STX6: variants seen among roughly 807,000 people sequenced by gnomAD.
STX6 encodes syntaxin 6.
A neutral mutation model predicts 38.0 loss-of-function variants in STX6; 23 were observed. That is an observed-to-expected ratio of 0.60 (90% CI 0.43 to 0.86). The LOEUF (loss-of-function observed/expected upper bound fraction) is 0.86. Among genes scored for constraint, STX6 ranks in the 40% least tolerant of loss-of-function variants. STX6 has a pLI of 0.00. For synonymous variants in STX6, 123 were observed against 107.5 expected, an observed-to-expected ratio of 1.14 and a Z score of -0.89; for missense variants, 274 against 312.9, an observed-to-expected ratio of 0.88 and a Z score of 0.94.
At chr1:180,986,237 C>T (rs1002801637) in intron 6 of STX6, among the ~76,000 whole-genome samples, 2 of 152,152 alleles carry the variant, frequency 1.3e-5, no homozygotes, top group African/African-American at 4.8e-5. Context: ...GTCACATATG[C>T]CATTTTACAT....
At chr1:181,013,797 A>G (rs184227721) in intron 1 of STX6, among the ~76,000 whole-genome samples, 4 of 152,338 alleles carry the variant, frequency 2.6e-5, no homozygotes, top group African/African-American at 9.6e-5. Context: ...AATATTAAAC[A>G]GGCTGGGGCT....
At chr1:180,991,625 T>C (rs1212289614) in intron 4 of STX6, among the ~76,000 whole-genome samples, 1 of 152,172 alleles carries the variant, frequency 6.6e-6, no homozygotes, top group Non-Finnish European at 1.5e-5. Context: ...TTAAAGTTCA[T>C]CAGTCTGATC....
At chr1:180,979,076 C>A (rs918031154) in intron 7 of STX6, among the ~76,000 whole-genome samples, 10 of 151,968 alleles carry the variant, frequency 6.6e-5, no homozygotes, top group Non-Finnish European at 1.5e-4. Flanking sequence ...CATGCAAGAA[C>A]ACATGGATAA....
chr1:180,991,998 T>C (rs1001022099), intron 4 of STX6, among the ~76,000 whole-genome samples: 3 of 150,512 alleles, frequency 2.0e-5, no homozygotes, highest in African/African-American at 4.8e-5. Flanking sequence ...AGCCCAACTA[T>C]ACTATCTAGA....
chr1:181,002,080 G>T (rs1656097040), intron 3 of STX6, among the ~76,000 whole-genome samples: 1 of 152,164 alleles, frequency 6.6e-6, no homozygotes, highest in African/African-American at 2.4e-5. Flanking sequence ...AGAGGTTGTA[G>T]TCAGCCAAGA....
intron 7 of STX6, among the ~76,000 whole-genome samples, chr1:180,977,066 C>T (rs147859542): frequency 2.0e-5 from 3 of 152,176 alleles, no homozygotes; most frequent in East Asian, 1.9e-4. Flanking sequence ...ATGAGCACAA[C>T]GGGAGGAGGG....
At position 180,982,742 on chromosome 1, in the gene STX6, CCTT is replaced by C. The variant is rs553354810; in HGVS notation, c.691+1932_691+1934del. On this transcript the variant is annotated intron_variant, in intron 7 of 7. Coordinates refer to ENST00000258301, the MANE Select transcript of STX6 (RefSeq NM_005819.6). ...GGTTATACAATTCTTCATTAAAACA[CCTT>C]TTTTTTGTTTATTGTTTTGTTTTTA... 1.8e-4 allele frequency among the ~76,000 whole-genome samples: 27 copies of C among 152,116 alleles called. No individual in the cohort carries two copies. The South Asian group carries it at 1.9e-3, about 11-fold the overall frequency.
chr1:181,010,841 T>A (rs1031031115), intron 1 of STX6, among the ~76,000 whole-genome samples: 124 of 152,178 alleles, frequency 8.1e-4, no homozygotes, highest in African/African-American at 2.6e-3. Context: ...AGCTAGTGGA[T>A]CTTTCTGTGA....
chr1:180,979,493 A>T (rs1558085845), intron 7 of STX6, among the ~76,000 whole-genome samples: 1 of 152,210 alleles, frequency 6.6e-6, no homozygotes, highest in Non-Finnish European at 1.5e-5. Flanking sequence ...CATCCATGCC[A>T]AAAAAATGAA....
Position 180,979,687 on chromosome 1 carries a change from T to C in STX6, c.692-3041A>G, listed in dbSNP as rs555012676. The stretch of plus-strand genomic sequence containing the variant: ...CACTATATATCCATGAAATAAATAA[T>C]TGAAATTGGGATGTCATTAAAATTA... On this transcript the variant is annotated intron_variant, in intron 7 of 7. Coordinates refer to ENST00000258301, the MANE Select transcript of STX6 (RefSeq NM_005819.6). 3.9e-5 allele frequency among the ~76,000 whole-genome samples: 6 copies of C among 152,312 alleles called. No homozygotes were observed. The East Asian group carries it at 9.6e-4, about 24-fold the overall frequency.
chr1:181,011,684 G>T (rs1381182543), intron 1 of STX6, among the ~76,000 whole-genome samples: 1 of 152,174 alleles, frequency 6.6e-6, no homozygotes, highest in Admixed American at 6.5e-5. Context: ...ATTTGTGAGG[G>T]TTTTTATAAG....
Position 181,009,266 on chromosome 1 carries a change from A to G in STX6, c.36-3803T>C, listed in dbSNP as rs965682143. ...TGGATCACTTGAGGTCAGGAGTTCA[A>G]GACCAGCCTGACCAACATGGTAAAA... On this transcript the variant is annotated intron_variant, in intron 1 of 7. Transcript: ENST00000258301. Among the ~76,000 whole-genome samples the G allele has an allele frequency of 2.6e-5, 4 of 152,176 alleles. No homozygotes were observed. In the South Asian group the frequency reaches 8.3e-4, roughly 32 times the overall value.
intron 1 of STX6, among the ~76,000 whole-genome samples, chr1:181,008,540 T>C (rs956462172): frequency 2.0e-5 from 3 of 152,156 alleles, no homozygotes; most frequent in Non-Finnish European, 2.9e-5. Flanking sequence ...GATGATTTTA[T>C]AACATCAAAT....
intron 7 of STX6, among the ~76,000 whole-genome samples, chr1:180,983,290 G>T (rs1215394732): frequency 1.3e-5 from 2 of 152,174 alleles, no homozygotes; most frequent in Non-Finnish European, 2.9e-5. Flanking sequence ...GTACCTGACA[G>T]TAGGAAACCA....
chr1:181,006,710 C>T lies in STX6; in HGVS notation c.36-1247G>A, dbSNP rs115146987. ...CTATGGCTTTAAAACAGAATTCACA[C>T]GCATCCTATACCCTCTGACGTTTCA... is the stretch of plus-strand genomic sequence containing the variant. On this transcript the variant is annotated intron_variant, in intron 1 of 7. Coordinates refer to ENST00000258301, the MANE Select transcript of STX6 (RefSeq NM_005819.6). Among the ~76,000 whole-genome samples the T allele has an allele frequency of 9.4e-3, 1,423 of 152,026 alleles. 21 individuals are homozygous for T. Among genetic ancestry groups the T allele is most frequent in the African/African-American group, 0.033 (1,364 of 41,428 alleles).
intron 2 of STX6, chr1:181,005,083 A>G (rs1018080369): frequency 3.4e-6 from 1 of 290,018 alleles, no homozygotes; most frequent in African/African-American, 2.3e-5. Context: ...ATATACATTT[A>G]TAGTACAGGA....
At chr1:181,014,963 A>C (rs1656514225) in intron 1 of STX6, among the ~76,000 whole-genome samples, 2 of 152,222 alleles carry the variant, frequency 1.3e-5, no homozygotes, top group African/African-American at 4.8e-5. Context: ...TGCAGGTCAA[A>C]GTCACGAGTG....
intron 1 of STX6, among the ~76,000 whole-genome samples, chr1:181,014,600 C>A (rs1418562621): frequency 6.6e-6 from 1 of 152,062 alleles, no homozygotes; most frequent in Non-Finnish European, 1.5e-5. Context: ...AGTAATGAAA[C>A]ATGAAAAATT....
chr1:181,005,163 A>G (rs1382400153), intron 2 of STX6, 131 bp downstream of exon 2: 6 of 1,482,266 alleles, frequency 4.0e-6, no homozygotes, highest in Non-Finnish European at 5.4e-6. Flanking sequence ...TAAACATGTC[A>G]TGGTACAAGT....
Sources: gnomAD v4.1 joint callset for allele counts (sites outside exome capture counted in the v4.1 genomes callset) on GRCh38, gnomAD v4.1.1 for gene constraint, MANE v1.5 for transcripts, NCBI Gene and HGNC (gene_info 2026-07-23, HGNC 2026-07-21) for gene names.